SERPINE2: variants seen among roughly 807,000 people sequenced by gnomAD.
The protein encoded by SERPINE2 is serpin family E member 2, also known as glia-derived nexin.
SERPINE2 carries 14 observed loss-of-function variants against 36.3 expected under a neutral mutation model. The observed-to-expected ratio is 0.39, with a 90% confidence interval of 0.25 to 0.60. SERPINE2 has a LOEUF of 0.60. Ranked by LOEUF, SERPINE2 falls within the 20% of genes least tolerant of loss-of-function variation. The probability of loss-of-function intolerance (pLI) is 0.57; values close to 1 mark genes in which losing one functional copy is unlikely to be tolerated. For synonymous variants in SERPINE2, 192 were observed against 191.8 expected (o/e 1.00, Z -0.01); for missense variants, 418 against 499.6 (o/e 0.84, Z 1.56).
At chr2:223,987,560 G>A (rs1015015044) in intron 4 of SERPINE2, among the ~76,000 whole-genome samples, 7 of 152,170 alleles carry the variant, frequency 4.6e-5, no homozygotes, top group South Asian at 2.1e-4. Flanking sequence ...GTATAAAAAC[G>A]TAAGTATAAT....
chr2:224,018,801 C>T (rs1309480853), intron 1 of SERPINE2, among the ~76,000 whole-genome samples: 3 of 152,146 alleles, frequency 2.0e-5, no homozygotes, highest in Admixed American at 6.5e-5. Flanking sequence ...TTTCCTTTAT[C>T]CCACAGAACC....
chr2:223,992,735 A>G (rs1433837484), intron 3 of SERPINE2, among the ~76,000 whole-genome samples: 1 of 152,230 alleles, frequency 6.6e-6, no homozygotes, highest in Admixed American at 6.5e-5. Context: ...TAATTACTCT[A>G]ATTTGATCAT....
At chr2:223,990,192 G>A (rs1690607219) in intron 4 of SERPINE2, among the ~76,000 whole-genome samples, 1 of 152,114 alleles carries the variant, frequency 6.6e-6, no homozygotes, top group Admixed American at 6.5e-5. Context: ...GAGGGCAAGG[G>A]GGCCCAGAGC....
chr2:223,984,942 T>C lies in SERPINE2; in HGVS notation c.694A>G (p.Ser232Gly), dbSNP rs200107409. 1 of 1,614,174 alleles carries C rather than the reference T, an allele frequency of 6.2e-7. No individual in the cohort carries two copies. The highest frequency in any genetic ancestry group is 8.5e-7 in the Non-Finnish European group (1 of 1,180,014). The change falls in exon 5 of 9, where the codon AGT becomes GGT. Residue 232 changes from serine (S) to glycine (G), a missense_variant. Transcript: ENST00000409304. ...QLSVFRCGST[S>G]APNDLWYNFI... Reference sequence around the variant, plus strand: ...TTGTACCATAAATCATTGGGGGCACTTGTCGACCCTAAAGAAATCAGAAGC... The same window carrying C: ...TTGTACCATAAATCATTGGGGGCACCTGTCGACCCTAAAGAAATCAGAAGC...
intron 3 of SERPINE2, 51 bp from the exon 4 acceptor site, chr2:223,992,051 C>A (rs373722441): frequency 6.6e-7 from 1 of 1,523,692 alleles, no homozygotes. Context: ...GACTGGTGGC[C>A]GGCTTGAGGG....
intron 5 of SERPINE2, among the ~76,000 whole-genome samples, chr2:223,983,988 G>C (rs1437571501): frequency 6.6e-6 from 1 of 151,002 alleles, no homozygotes; most frequent in Non-Finnish European, 1.5e-5. Flanking sequence ...AATCTTGAGA[G>C]AATTAGTAAT....
chr2:224,033,506 T>G (rs1692443540), intron 1 of SERPINE2, among the ~76,000 whole-genome samples: 1 of 152,098 alleles, frequency 6.6e-6, no homozygotes, highest in Non-Finnish European at 1.5e-5. Flanking sequence ...AAGACACCTT[T>G]TAGATCATTT....
intron 1 of SERPINE2, among the ~76,000 whole-genome samples, chr2:224,005,901 G>A (rs552225996): frequency 1.3e-5 from 2 of 152,252 alleles, no homozygotes; most frequent in Admixed American, 1.3e-4. Flanking sequence ...CATCGCCACA[G>A]GCATATCCTT....
At chr2:224,006,651 T>TA (rs1286407272) in intron 1 of SERPINE2, among the ~76,000 whole-genome samples, 1 of 152,178 alleles carries the variant, frequency 6.6e-6, no homozygotes, top group Non-Finnish European at 1.5e-5. Flanking sequence ...TTTAGGGCCT[T>TA]ACCATTCATT....
intron 1 of SERPINE2, among the ~76,000 whole-genome samples, chr2:224,015,006 G>A (rs986481922): frequency 6.6e-6 from 1 of 151,772 alleles, no homozygotes; most frequent in Non-Finnish European, 1.5e-5. Flanking sequence ...TTCACCACTA[G>A]GTGGGGGCCA....
intron 8 of SERPINE2, among the ~76,000 whole-genome samples, chr2:223,976,491 G>A (rs1690013916): frequency 6.6e-6 from 1 of 152,250 alleles, no homozygotes; most frequent in African/African-American, 2.4e-5. Context: ...ATAGCCACAT[G>A]TGGCCAGAAG....
intron 7 of SERPINE2, chr2:223,979,611 T>A (rs1439768116): frequency 6.6e-6 from 1 of 152,156 alleles, no homozygotes; most frequent in Non-Finnish European, 1.5e-5. Context: ...TGACTTACGA[T>A]TGTTCTGTTT....
At chr2:223,996,520 C>G (rs1690893541) in intron 3 of SERPINE2, among the ~76,000 whole-genome samples, 1 of 152,178 alleles carries the variant, frequency 6.6e-6, no homozygotes, top group Non-Finnish European at 1.5e-5. Flanking sequence ...TTCACTAGTT[C>G]TGCTAATGGG....
chr2:224,003,256 G>A lies in SERPINE2; in HGVS notation c.-22-1334C>T, dbSNP rs6739311. On this transcript the variant is annotated intron_variant, in intron 1 of 8. Coordinates refer to ENST00000409304, the MANE Select transcript of SERPINE2 (RefSeq NM_001136528.2). Reference sequence around the variant, plus strand: ...GATGTGAAATCAAGGTCGTAAAGAAGGGAGACAGGTGGGTGAAGCCGAAGG... The same window carrying A: ...GATGTGAAATCAAGGTCGTAAAGAAAGGAGACAGGTGGGTGAAGCCGAAGG... 1.7e-3 allele frequency among the ~76,000 whole-genome samples: 253 copies of A among 152,234 alleles called. 2 individuals carry two copies. The highest frequency in any genetic ancestry group is 6.8e-3 in the Middle Eastern group (2 of 292).
Position 223,982,769 on chromosome 2 carries a change from T to A in SERPINE2, c.897A>T (p.Val299=), listed in dbSNP as rs1690267285. Residue 299 remains valine (V), a synonymous_variant, in exon 6 of 9, where the codon GTA becomes GTT. Coordinates refer to ENST00000409304, the MANE Select transcript of SERPINE2 (RefSeq NM_001136528.2). ...VQVILPKFTA[V]AQTDLKEPLK... is the part of the protein sequence containing the mutation. ...GCGGCTCCTTCAAATCTGTTTGTGC[T>A]ACAGCTGTGAACCTAGCATGAAAGC... 1 of 1,613,256 alleles carries A rather than the reference T, an allele frequency of 6.2e-7. No homozygotes were observed. The highest frequency in any genetic ancestry group is 1.1e-5 in the South Asian group (1 of 90,974).
chr2:223,985,302 T>C (rs74529704), intron 4 of SERPINE2, among the ~76,000 whole-genome samples: 1 of 6,438 alleles, frequency 1.6e-4, no homozygotes, highest in East Asian at 1.7e-3. Context: ...AATCATTCCT[T>C]TTTTTTTTTT....
chr2:223,997,352 C>A (rs944325651), intron 3 of SERPINE2, among the ~76,000 whole-genome samples: 1 of 152,122 alleles, frequency 6.6e-6, no homozygotes, highest in Admixed American at 6.5e-5. Flanking sequence ...TCCCAAGTAG[C>A]TGGGATTACA....
intron 8 of SERPINE2, 76 bp from the exon 9 acceptor site, chr2:223,975,980 T>C: frequency 7.3e-7 from 1 of 1,363,060 alleles, no homozygotes. Flanking sequence ...GTATTCTATT[T>C]AAGGGAAGGG....
At chr2:223,993,530 ATGTGTGTGTGTGTGTG>A (rs36049464) in intron 3 of SERPINE2, among the ~76,000 whole-genome samples, 17 of 149,794 alleles carry the variant, frequency 1.1e-4, no homozygotes, top group African/African-American at 3.9e-4. Flanking sequence ...GCTCAAATAT[ATGTGTGTGTGTGTGTG>A]TGTGTGTGTG....
Sources: allele counts gnomAD v4.1 joint callset (sites outside exome capture counted in the v4.1 genomes callset), GRCh38; gene constraint gnomAD v4.1.1; transcripts MANE v1.5; gene names NCBI Gene and HGNC (gene_info 2026-07-23, HGNC 2026-07-21).